IL17REL: variants seen among roughly 807,000 people sequenced by gnomAD.
IL17REL encodes interleukin 17 receptor E like.
IL17REL carries 36 observed loss-of-function variants against 49.0 expected under a neutral mutation model. The observed-to-expected ratio is 0.73, with a 90% CI of 0.56 to 0.97. The LOEUF (loss-of-function observed/expected upper bound fraction) is 0.97. Ranked by LOEUF, IL17REL falls within the 50% of genes least tolerant of loss-of-function variation. The pLI is 0.00. For synonymous variants in IL17REL, 206 were observed against 192.4 expected, an observed-to-expected ratio of 1.07 and a Z score of -0.58; for missense variants, 470 against 453.9, an observed-to-expected ratio of 1.04 and a Z score of -0.32.
chr22:50,005,840 A>G (rs1275034205), intron 1 of IL17REL, among the ~76,000 whole-genome samples: 3 of 152,012 alleles, frequency 2.0e-5, no homozygotes, highest in African/African-American at 7.2e-5. Context: ...AAAATATACC[A>G]AAAATAAAAA....
chr22:49,997,480 C>T (rs1305140547), intron 10 of IL17REL: 26 of 1,527,106 alleles, frequency 1.7e-5, no homozygotes, highest in Non-Finnish European at 2.2e-5. Context: ...GGTCATTTTC[C>T]AGGCTGTGGG....
chr22:50,002,655 C>T (rs2061086047), intron 1 of IL17REL, among the ~76,000 whole-genome samples: 1 of 152,048 alleles, frequency 6.6e-6, no homozygotes, highest in African/African-American at 2.4e-5. Context: ...CCACCACGCC[C>T]AGCTAATTTT....
chr22:50,000,832 C>A, exon 3 of IL17REL: 7 of 1,597,622 alleles, frequency 4.4e-6, no homozygotes, highest in Non-Finnish European at 6.0e-6. Flanking sequence ...TGTCCAGGCT[C>A]ATGGCACAGG....
At chr22:50,003,022 G>C (rs1305354222) in intron 1 of IL17REL, among the ~76,000 whole-genome samples, 11 of 152,202 alleles carry the variant, frequency 7.2e-5, no homozygotes, top group African/African-American at 2.7e-4. Flanking sequence ...AGGCAGTGGT[G>C]GGGGTGGATC....
At chr22:50,006,971 A>AAAAAAG in intron 1 of IL17REL, among the ~76,000 whole-genome samples, 1 of 149,444 alleles carries the variant, frequency 6.7e-6, no homozygotes, top group African/African-American at 2.4e-5. Flanking sequence ...AAAAAAAAAA[A>AAAAAAG]GGGAGGGGAT....
chr22:50,000,004 A>G (rs766865631), intron 4 of IL17REL, 37 bp from the exon 7 acceptor site: 6 of 1,452,010 alleles, frequency 4.1e-6, no homozygotes, highest in Non-Finnish European at 5.5e-6. Flanking sequence ...CGCTGGGACC[A>G]GCGGTCACCG....
intron 1 of IL17REL, among the ~76,000 whole-genome samples, chr22:50,001,478 A>G (rs536820960): frequency 6.6e-6 from 1 of 152,304 alleles, no homozygotes; most frequent in Admixed American, 6.5e-5. Flanking sequence ...GCTGCACACC[A>G]GTCTGCATCA....
intron 1 of IL17REL, among the ~76,000 whole-genome samples, chr22:50,006,494 C>T (rs147400246): frequency 1.3e-5 from 2 of 151,984 alleles, no homozygotes; most frequent in South Asian, 4.2e-4. Context: ...AGGGTGGGCC[C>T]AGGTGTCCTC....
downstream of IL17REL, among the ~76,000 whole-genome samples, chr22:49,992,121 T>C (rs1002516106): frequency 6.6e-6 from 1 of 152,216 alleles, no homozygotes; most frequent in African/African-American, 2.4e-5. Flanking sequence ...AGCAGACGGA[T>C]GACTTTGAGT....
At chr22:49,998,689 C>T (rs1358112363) in intron 7 of IL17REL, among the ~76,000 whole-genome samples, 2 of 146,264 alleles carry the variant, frequency 1.4e-5, no homozygotes, top group Non-Finnish European at 3.0e-5. Flanking sequence ...GTGTGCCTGC[C>T]TGTGCATGGG....
chr22:49,999,354 G>A lies in IL17REL; in HGVS notation c.547-9C>T. On this transcript the variant is annotated splice_polypyrimidine_tract_variant and intron_variant, in intron 6 of 12. Transcript: ENST00000341280. ...GGGGTCGCAGACCAGCCCTGTGGGA[G>A]GGGCTGGGGTCAGCGCAGCCCACCC... The A allele has an allele frequency of 1.2e-6, 2 of 1,612,928 alleles. No homozygotes were observed. Among genetic ancestry groups the A allele is most frequent in the East Asian group, 2.2e-5 (1 of 44,846 alleles).
intron 1 of IL17REL, among the ~76,000 whole-genome samples, chr22:50,007,338 A>G (rs1473472840): frequency 2.6e-5 from 4 of 152,094 alleles, no homozygotes; most frequent in Non-Finnish European, 5.9e-5. Flanking sequence ...TAGGAAATCT[A>G]TTAGAAATAC....
downstream of IL17REL, among the ~76,000 whole-genome samples, chr22:49,993,048 A>G (rs1015418294): frequency 5.3e-5 from 8 of 152,064 alleles, no homozygotes; most frequent in African/African-American, 1.9e-4. This position sits in a 1 kb window ranked among gnomAD's most constrained non-coding sequence, Gnocchi z 6.0. Context: ...CTCTCATGCA[A>G]AGGTCAGCTC....
rs569981884 is a variant in IL17REL, at chr22:50,001,453, G to A, written c.-41-222C>T. On this transcript the variant is annotated intron_variant, in intron 1 of 12. Coordinates refer to ENST00000341280, the Ensembl canonical transcript of IL17REL. The stretch of plus-strand genomic sequence containing the variant: ...TCTGTGGGACCCCAGGAGTGGGCCT[G>A]GGTCAGGGGGGCAGGCTGCACACCA... Among the ~76,000 whole-genome samples, 182 of 152,232 alleles carry A rather than the reference G, an allele frequency of 1.2e-3. 1 individual carries two copies. Among genetic ancestry groups the A allele is most frequent in the African/African-American group, 4.2e-3 (176 of 41,526 alleles).
rs760796037 is a variant in IL17REL, at chr22:49,997,788, GCAGGGGCAGGGA to G, written c.820-58_820-47del. ...TGCAGGAGGGTGGAGTGTGTGTGAGGCAGGGGCAGGGACAGGGGCAGGGACAGGGACAGGCTG... is the reference window on the plus strand; with the variant it reads ...TGCAGGAGGGTGGAGTGTGTGTGAGGCAGGGGCAGGGACAGGGACAGGCTG... On this transcript the variant is annotated intron_variant, in intron 9 of 12. Transcript: ENST00000341280. The G allele has an allele frequency of 2.6e-4, 415 of 1,582,750 alleles. 1 individual carries two copies. The highest frequency in any genetic ancestry group is 1.0e-3 in the Middle Eastern group (6 of 6,002).
At chr22:49,998,266 G>C in exon 8 of IL17REL, 1 of 1,612,204 alleles carries the variant, frequency 6.2e-7, no homozygotes, top group Non-Finnish European at 8.5e-7. Flanking sequence ...GGCTCTCCGG[G>C]TGGTAGTAGA....
chr22:50,009,444 G>A (rs558871655), upstream of IL17REL, among the ~76,000 whole-genome samples: 162 of 152,296 alleles, frequency 1.1e-3, no homozygotes, highest in Non-Finnish European at 1.8e-3. Flanking sequence ...CGGCACCAAC[G>A]GCGTGGGAGC....
intron 1 of IL17REL, among the ~76,000 whole-genome samples, chr22:50,008,376 C>G (rs531349205): frequency 6.6e-6 from 1 of 152,308 alleles, no homozygotes; most frequent in East Asian, 1.9e-4. Context: ...TGGAACGCAA[C>G]GAGGCATTGT....
rs1262899529 is a variant in IL17REL, at chr22:49,999,746, G to A, written c.474+82C>T. ...GGGGTGGGCGGGGCGCGGGGTGGGC[G>A]GGGCCTAAGGCTGACCGGGGCCCGG... On this transcript the variant is annotated intron_variant, in intron 5 of 12. Coordinates refer to ENST00000341280, the Ensembl canonical transcript of IL17REL. 1.7e-5 allele frequency: 19 copies of A among 1,086,650 alleles called. No individual in the cohort carries two copies. In the African/African-American group the frequency reaches 3.3e-4, roughly 19 times the overall value. The allele number at this position is 1,086,650 out of a possible 1,614,324, so 67.3% of individuals were successfully genotyped here.
Sources: allele counts gnomAD v4.1 joint callset (sites outside exome capture counted in the v4.1 genomes callset), GRCh38; gene constraint gnomAD v4.1.1; non-coding constraint Gnocchi (gnomAD v3.1); transcripts MANE v1.5; gene names NCBI Gene and HGNC (gene_info 2026-07-23, HGNC 2026-07-21).